Variants in INTS7 observed in about 807,000 individuals in gnomAD.
INTS7 encodes the protein integrator complex subunit 7, also known as chromosome 1 open reading frame 73.
In INTS7, 46 loss-of-function variants were observed where a neutral mutation model predicts 109.2. The observed-to-expected ratio is 0.42, with a 90% CI of 0.33 to 0.54. The LOEUF is 0.54. Ranked by LOEUF, INTS7 falls within the 20% of genes least tolerant of loss-of-function variation. The probability of loss-of-function intolerance (pLI) is 0.07; values close to 1 mark genes in which losing one functional copy is unlikely to be tolerated. For missense variants in INTS7, 929 were observed against 1,132.4 expected (o/e 0.82, Z 2.58); for synonymous variants, 412 against 402.9 (o/e 1.02, Z -0.27).
At chr1:211,962,694 C>T (rs889431660) in intron 16 of INTS7, among the ~76,000 whole-genome samples, 10 of 152,058 alleles carry the variant, frequency 6.6e-5, no homozygotes, top group Non-Finnish European at 1.2e-4. Context: ...GACCACAGCA[C>T]AATAAAATTA....
chr1:211,977,716 A>G (rs575216423), intron 11 of INTS7, among the ~76,000 whole-genome samples: 1 of 152,276 alleles, frequency 6.6e-6, no homozygotes, highest in Admixed American at 6.5e-5. Flanking sequence ...TTTCAACTAA[A>G]CATTTTATAG....
chr1:212,001,136 G>C (rs759448654), intron 7 of INTS7, among the ~76,000 whole-genome samples: 3 of 148,374 alleles, frequency 2.0e-5, no homozygotes, highest in Non-Finnish European at 4.4e-5. Flanking sequence ...GCGCGATCTA[G>C]GCTCACCGCA....
rs895801284 is a variant in INTS7, at chr1:212,006,394, G to A, written c.879+245C>T. ...TCTCAATTAGCCTTAGTGCCACTAT[G>A]GGAGAATGAACAAGCAACTGAGTGG... On this transcript the variant is annotated intron_variant, in intron 7 of 19. Transcript: ENST00000366994. 1.3e-5 allele frequency among the ~76,000 whole-genome samples: 2 copies of A among 152,132 alleles called. 1 individual carries two copies. The highest frequency in any genetic ancestry group is 4.1e-4 in the South Asian group (2 of 4,828).
chr1:211,967,893 A>G lies in INTS7; in HGVS notation c.2099T>C (p.Leu700Ser). The G allele has an allele frequency of 6.3e-7, 1 of 1,598,730 alleles. No homozygotes were observed. The highest frequency in any genetic ancestry group is 8.5e-7 in the Non-Finnish European group (1 of 1,169,634). ...CTTGGGATACAGTTCAACATTCCTC[A>G]AAGTTGCTGAGTCAGCATCAAAAGA... Reference protein sequence around the residue: ...QASFDADSATLRNVELQQQSC... With the variant: ...QASFDADSATSRNVELQQQSC... The change falls in exon 15 of 20, where the codon TTG (leucine) becomes TCG (serine). Residue 700 changes from leucine to serine, a missense_variant. By Grantham distance (145) the Leu-to-Ser change is moderately radical. This residue lies in a region of INTS7 where 787 missense variants were observed against 901.1 expected (regional missense o/e 0.87). Coordinates refer to ENST00000366994, the MANE Select transcript of INTS7 (RefSeq NM_015434.4).
intron 16 of INTS7, among the ~76,000 whole-genome samples, chr1:211,962,370 C>G (rs567314832): frequency 2.0e-5 from 3 of 152,020 alleles, no homozygotes; most frequent in African/African-American, 7.2e-5. Flanking sequence ...ACAGGAGCAC[C>G]CAGATTCATA....
At chr1:211,981,513 G>C (rs1571872448) in intron 9 of INTS7, among the ~76,000 whole-genome samples, 1 of 152,210 alleles carries the variant, frequency 6.6e-6, no homozygotes, top group East Asian at 1.9e-4. Context: ...AAAATACTAA[G>C]AACAGCAAAC....
Position 211,959,203 on chromosome 1 carries a change from C to T in INTS7, c.2184-6502G>A, listed in dbSNP as rs1456331846. 1.3e-5 allele frequency among the ~76,000 whole-genome samples: 2 copies of T among 152,172 alleles called. No individual in the cohort carries two copies. Reference sequence around the variant, plus strand: ...GTGTGTGAGCATCTGTAGTGGAATACGGCCAGGGGCAGCCATCCCTCTAGG... The same window carrying T: ...GTGTGTGAGCATCTGTAGTGGAATATGGCCAGGGGCAGCCATCCCTCTAGG... On this transcript the variant is annotated intron_variant, in intron 16 of 19. Transcript: ENST00000366994. The surrounding 1 kb of genome is among the most constrained non-coding windows in gnomAD (Gnocchi z 4.2).
chr1:211,969,648 T>C (rs938961792), intron 13 of INTS7, among the ~76,000 whole-genome samples: 4 of 148,104 alleles, frequency 2.7e-5, no homozygotes, highest in Non-Finnish European at 4.5e-5. Context: ...CTCAACTTCC[T>C]GGGCTCAAAT....
chr1:211,942,074 C>T lies in INTS7; in HGVS notation c.2639G>A (p.Arg880Lys). ...GAAGTAATCATTATGAGGTTCAACC[C>T]TTTGCTCCATCTCATTGGTCATGTT... ...IDNMTNEMEQ[R>K]VEPHNDYFST... The change falls in exon 20 of 20, where the codon AGG becomes AAG. Residue 880 changes from arginine to lysine, a missense_variant. This residue lies in a region of INTS7 where 787 missense variants were observed against 901.1 expected (regional missense o/e 0.87). Transcript: ENST00000366994. The surrounding 1 kb of genome is among the most constrained non-coding windows in gnomAD (Gnocchi z 4.2). 6.2e-7 allele frequency: 1 copy of T among 1,614,094 alleles called. No homozygotes were observed. Among genetic ancestry groups the T allele is most frequent in the Non-Finnish European group, 8.5e-7 (1 of 1,179,982 alleles).
At chr1:212,027,391 A>G (rs1337469696) in intron 1 of INTS7, among the ~76,000 whole-genome samples, 1 of 152,198 alleles carries the variant, frequency 6.6e-6, no homozygotes, top group East Asian at 1.9e-4. Flanking sequence ...AATCATAAGA[A>G]TACTACTGTA....
chr1:211,946,471 G>T lies in INTS7; in HGVS notation c.2415+136C>A. On this transcript the variant is annotated intron_variant, in intron 18 of 19. Coordinates refer to ENST00000366994, the MANE Select transcript of INTS7 (RefSeq NM_015434.4). The surrounding 1 kb of genome is among the most constrained non-coding windows in gnomAD (Gnocchi z 4.3). ...AGCCCAGGCGACAGGGCGAGACTCT[G>T]TCTCAAAAAACAAAACAAAACAAAA... 3 of 564,518 alleles carry T rather than the reference G, an allele frequency of 5.3e-6. No individual in the cohort carries two copies. The highest frequency in any genetic ancestry group is 6.2e-6 in the Non-Finnish European group (2 of 322,116). 35.0% of individuals were successfully genotyped at this position (564,518 alleles called of 1,614,324 possible).
chr1:212,009,538 C>T (rs1337313008), intron 5 of INTS7, among the ~76,000 whole-genome samples: 2 of 152,180 alleles, frequency 1.3e-5, no homozygotes, highest in Non-Finnish European at 2.9e-5. Flanking sequence ...GTTAGCTTCT[C>T]AAAGTGGTCC....
intron 1 of INTS7, among the ~76,000 whole-genome samples, chr1:212,033,209 A>G (rs1331145393): frequency 6.6e-6 from 1 of 152,218 alleles, no homozygotes; most frequent in Non-Finnish European, 1.5e-5. Context: ...AAAGAGTTGG[A>G]ACTTGTAGCC....
intron 1 of INTS7, among the ~76,000 whole-genome samples, chr1:212,023,969 A>C (rs1666813509): frequency 6.6e-6 from 1 of 152,156 alleles, no homozygotes; most frequent in Non-Finnish European, 1.5e-5. Context: ...TTGCATAGGG[A>C]GTCCTTTTCC....
rs1377155153 is a variant in INTS7 at position 212,010,027 on chromosome 1, G to T, written c.556+1348C>A. On this transcript the variant is annotated intron_variant, in intron 5 of 19. Coordinates refer to ENST00000366994, the MANE Select transcript of INTS7 (RefSeq NM_015434.4). ...ACTAAGCAATTCATGCCTTAGAAGG[G>T]CACAGTAGCATAAGTGGTTAAAAGC... Among the ~76,000 whole-genome samples, 3 of 152,204 alleles carry T rather than the reference G, an allele frequency of 2.0e-5. No individual in the cohort carries two copies. In the East Asian group the frequency reaches 5.8e-4, roughly 29 times the overall value.
chr1:211,982,637 C>A, intron 9 of INTS7, 39 bp downstream of exon 9: 1 of 1,500,694 alleles, frequency 6.7e-7, no homozygotes, highest in Non-Finnish European at 8.9e-7. Context: ...AAGGTCTAAA[C>A]CAAAGTTTAT....
chr1:211,966,224 T>G (rs1663871415), intron 16 of INTS7: 1 of 376,628 alleles, frequency 2.7e-6, no homozygotes, highest in African/African-American at 2.1e-5. Context: ...CCCAGTTATC[T>G]TTCCATGTTA....
intron 2 of INTS7, among the ~76,000 whole-genome samples, 151 bp downstream of exon 2, chr1:212,020,922 GTCATTAAATC>G (rs1319749057): frequency 6.6e-6 from 1 of 152,118 alleles, no homozygotes; most frequent in African/African-American, 2.4e-5. Flanking sequence ...TGCTTTAAAT[GTCATTAAATC>G]TCACACTGAT....
At chr1:212,023,857 C>T (rs1172875019) in intron 1 of INTS7, among the ~76,000 whole-genome samples, 1 of 152,012 alleles carries the variant, frequency 6.6e-6, no homozygotes, top group African/African-American at 2.4e-5. Context: ...TGAGGTCTTA[C>T]ATTTGAATAT....
Sources: gnomAD v4.1 joint callset for allele counts (sites outside exome capture counted in the v4.1 genomes callset) on GRCh38, gnomAD v4.1.1 for gene constraint, gnomAD v4.1.1 regional missense constraint, Gnocchi (gnomAD v3.1) non-coding constraint, MANE v1.5 for transcripts, NCBI Gene and HGNC (gene_info 2026-07-23, HGNC 2026-07-21) for gene names.